ALG2: variants seen among roughly 807,000 people sequenced by gnomAD.
The protein encoded by ALG2 is ALG2 alpha-1,3/1,6-mannosyltransferase, also known as alpha-1,3/1,6-mannosyltransferase ALG2.
A neutral mutation model predicts 30.5 loss-of-function variants in ALG2; 32 were observed. The observed-to-expected ratio is 1.05, with a 90% CI of 0.79 to 1.41. The LOEUF (loss-of-function observed/expected upper bound fraction) is 1.41. Among genes scored for constraint, ALG2 ranks in the 40% most tolerant of loss-of-function variants. The pLI, the probability that ALG2 is intolerant of heterozygous loss-of-function variation, is 0.00. For missense variants in ALG2, 574 were observed against 526.4 expected (o/e 1.09, Z -0.88); for synonymous variants, 253 against 224.8 (o/e 1.13, Z -1.12).
chr9:99,219,357 C>T (rs1828753675), intron 1 of ALG2, among the ~76,000 whole-genome samples: 1 of 152,182 alleles, frequency 6.6e-6, no homozygotes, highest in Admixed American at 6.5e-5. Context: ...TAGGATCTTT[C>T]TCCTTCTAAG....
At position 99,217,543 on chromosome 9, in the gene ALG2, CATT is replaced by C. The variant is rs1828714908; in HGVS notation, c.*388_*390del. ...CTGGGAACTACAATAGCCCTGCTCT[CATT>C]ATACTATGAAGCCAAATTAATCAAC... On this transcript the variant is annotated 3_prime_UTR_variant, in exon 2 of 2. Coordinates refer to ENST00000476832, the MANE Select transcript of ALG2 (RefSeq NM_033087.4). 1 of 456,702 alleles carries C rather than the reference CATT, an allele frequency of 2.2e-6. No individual in the cohort carries two copies. The highest frequency in any genetic ancestry group is 1.6e-5 in the South Asian group (1 of 64,504). The allele number at this position is 456,702 out of a possible 1,614,324, so 28.3% of individuals were successfully genotyped here.
In ALG2 at chr9:99,217,957, A is replaced by G. The variant is rs376959842; in HGVS notation, c.1228T>C (p.Tyr410His). 23 of 1,614,132 alleles carry G rather than the reference A, an allele frequency of 1.4e-5. No individual in the cohort carries two copies. In the Admixed American group the frequency reaches 1.8e-4, roughly 13 times the overall value. ...PEAFTEQLYR[Y>H]VTKLLV is the part of the protein sequence containing the mutation. Reference sequence around the variant, plus strand: ...GATTATACCAGCAGTTTGGTAACATATCGGTAGAGCTGTTCTGTAAATGCT... The same window carrying G: ...GATTATACCAGCAGTTTGGTAACATGTCGGTAGAGCTGTTCTGTAAATGCT... Residue 410 changes from tyrosine to histidine, a missense_variant, in exon 2 of 2, where the codon TAT becomes CAT. By Grantham distance (83) the Tyr-to-His change is moderately conservative (BLOSUM62 2). Transcript: ENST00000476832.
intron 1 of ALG2, 108 bp from the exon 2 acceptor site, chr9:99,218,944 C>A: frequency 8.4e-7 from 1 of 1,189,530 alleles, no homozygotes; most frequent in Non-Finnish European, 1.2e-6. Context: ...TCCTCATGGG[C>A]AATGTCTGAT....
intron 1 of ALG2, among the ~76,000 whole-genome samples, chr9:99,219,234 C>G (rs1021077326): frequency 3.3e-5 from 5 of 152,180 alleles, no homozygotes; most frequent in Non-Finnish European, 7.3e-5. Context: ...CACATTACAT[C>G]TTCAAAATCG....
rs967932013 is a variant in ALG2 at position 99,218,274 on chromosome 9, G to C, written c.911C>G (p.Ser304Ter). ...GQYVTFLRSF[S>*]DKQKISLLHS... ...GAGGAGGGAGATTTTCTGTTTGTCT[G>C]AGAAAGACCTCAAGAAGGTCACATA... Residue 304 changes from serine (S) to a stop codon, truncating the protein, a stop_gained, in exon 2 of 2, where the codon TCA becomes TGA. Coordinates refer to ENST00000476832, the MANE Select transcript of ALG2 (RefSeq NM_033087.4). LOFTEE classifies it high-confidence loss of function. 6.2e-7 allele frequency: 1 copy of C among 1,614,096 alleles called. No individual in the cohort carries two copies. Among genetic ancestry groups the C allele is most frequent in the African/African-American group, 1.3e-5 (1 of 74,936 alleles).
In ALG2 at chr9:99,216,793, T is replaced by A. The variant is rs765889573; in HGVS notation, c.*1141A>T. 1 of 454,036 alleles carries A rather than the reference T, an allele frequency of 2.2e-6. No homozygotes were observed. The highest frequency in any genetic ancestry group is 4.4e-6 in the Non-Finnish European group (1 of 226,806). The allele number at this position is 454,036 out of a possible 1,614,324, so 28.1% of individuals were successfully genotyped here. On this transcript the variant is annotated 3_prime_UTR_variant, in exon 2 of 2. Coordinates refer to ENST00000476832, the MANE Select transcript of ALG2 (RefSeq NM_033087.4). ...CTTTGCAGATGAAGAAGCTGAGGTA[T>A]AGAGATCAATTTACACAAAATCATA...
rs185819399 is a variant in ALG2 at position 99,216,780 on chromosome 9, A to G, written c.*1154T>C. Reference sequence around the variant, plus strand: ...TACAATTATCTCACTTTGCAGATGAAGAAGCTGAGGTATAGAGATCAATTT... The same window carrying G: ...TACAATTATCTCACTTTGCAGATGAGGAAGCTGAGGTATAGAGATCAATTT... On this transcript the variant is annotated 3_prime_UTR_variant, in exon 2 of 2. Coordinates refer to ENST00000476832, the MANE Select transcript of ALG2 (RefSeq NM_033087.4). 1.5e-3 allele frequency: 670 copies of G among 454,026 alleles called. 2 individuals carry two copies. Among genetic ancestry groups the G allele is most frequent in the Non-Finnish European group, 2.4e-3 (549 of 226,744 alleles). The allele number at this position is 454,026 out of a possible 1,614,324, so 28.1% of individuals were successfully genotyped here.
chr9:99,217,907 T>A lies in ALG2; in HGVS notation c.*27A>T, dbSNP rs1828721194. 2.5e-6 allele frequency: 4 copies of A among 1,611,416 alleles called. No homozygotes were observed. Among genetic ancestry groups the A allele is most frequent in the Non-Finnish European group, 3.4e-6 (4 of 1,177,666 alleles). On this transcript the variant is annotated 3_prime_UTR_variant, in exon 2 of 2. Transcript: ENST00000476832. ...GGGTCTACAATCCATAAAAATGACA[T>A]TAATGGAGATCTTAAAAACAATCTG...
Position 99,221,780 on chromosome 9 carries a change from C to T in ALG2, c.115G>A (p.Ala39Thr). The change falls in exon 1 of 2, where the codon GCG becomes ACG. Residue 39 changes from alanine to threonine, a missense_variant. Transcript: ENST00000476832. ...AERLVLDAAL[A>T]LQARGCSVKI... ...ACGCTACACCCGCGCGCCTGCAGCGCCAGCGCCGCGTCCAACACCAGCCGC... is the reference window on the plus strand; with the variant it reads ...ACGCTACACCCGCGCGCCTGCAGCGTCAGCGCCGCGTCCAACACCAGCCGC... 6.3e-7 allele frequency: 1 copy of T among 1,598,412 alleles called. No homozygotes were observed. The highest frequency in any genetic ancestry group is 8.5e-7 in the Non-Finnish European group (1 of 1,179,476).
chr9:99,220,278 A>G (rs1828770308), intron 1 of ALG2, among the ~76,000 whole-genome samples: 1 of 152,244 alleles, frequency 6.6e-6, no homozygotes, highest in Non-Finnish European at 1.5e-5. Flanking sequence ...TAGTCACAAC[A>G]TTAGTGTCCT....
intron 1 of ALG2, 40 bp downstream of exon 1, chr9:99,221,507 G>A: frequency 6.5e-7 from 1 of 1,534,984 alleles, no homozygotes; most frequent in Non-Finnish European, 8.8e-7. Flanking sequence ...CCTCCACGGC[G>A]AGGTCCGCAC....
chr9:99,218,130 G>GTCA lies in ALG2; in HGVS notation c.1054_1055insTGA (p.Ser352delinsLeuThr), dbSNP rs763662395. On this transcript the variant is annotated protein_altering_variant, in exon 2 of 2. Transcript: ENST00000476832. ...AAACCCTGTGACACTGTGGTCAATG[G>GTCA]ACTCCAAGGGTCCACCCGAATTAAC... 11 of 1,611,112 alleles carry GTCA rather than the reference G, an allele frequency of 6.8e-6. No individual in the cohort carries two copies. The highest frequency in any genetic ancestry group is 1.7e-4 in the Middle Eastern group (1 of 6,040).
At chr9:99,218,929 T>C in intron 1 of ALG2, 93 bp from the exon 2 acceptor site, 1 of 1,388,080 alleles carries the variant, frequency 7.2e-7, no homozygotes, top group Non-Finnish European at 1.0e-6. Context: ...GGCTAGTCTG[T>C]GGGCTCCTCA....
rs1157577313 is a variant in ALG2, at chr9:99,218,201, G to C, written c.984C>G (p.Gly328=). ...TGTACATGGCTTCCAGAGGGACAAT[G>C]CCAAAGTGCTCATTGCTTGGTGTGT... ...VLYTPSNEHF[G]IVPLEAMYMQ... Residue 328 remains glycine, a synonymous_variant, in exon 2 of 2, where the codon GGC becomes GGG. Coordinates refer to ENST00000476832, the MANE Select transcript of ALG2 (RefSeq NM_033087.4). The C allele has an allele frequency of 6.2e-6, 10 of 1,614,124 alleles. No individual in the cohort carries two copies. Among genetic ancestry groups the C allele is most frequent in the Non-Finnish European group, 8.5e-6 (10 of 1,179,948 alleles).
rs749613639 is a variant in ALG2 at position 99,217,939 on chromosome 9, C to G, written c.1246G>C (p.Val416Leu). The G allele has an allele frequency of 3.7e-6, 6 of 1,614,056 alleles. No homozygotes were observed. The highest frequency in any genetic ancestry group is 5.1e-6 in the Non-Finnish European group (6 of 1,179,986). The change falls in exon 2 of 2, where the codon GTA (valine) becomes CTA (leucine). Residue 416 changes from valine to leucine, a missense_variant. Coordinates refer to ENST00000476832, the MANE Select transcript of ALG2 (RefSeq NM_033087.4). The stretch of plus-strand genomic sequence containing the variant: ...AGATCTTAAAAACAATCTGATTATA[C>G]CAGCAGTTTGGTAACATATCGGTAG... ...QLYRYVTKLL[V>L]
chr9:99,221,145 G>A (rs1467222950), intron 1 of ALG2: 1 of 1,358,920 alleles, frequency 7.4e-7, no homozygotes, highest in Non-Finnish European at 9.7e-7. Flanking sequence ...GGCCTGAAAG[G>A]AGAGTCAACA....
chr9:99,217,784 TG>T lies in ALG2; in HGVS notation c.*149del. On this transcript the variant is annotated 3_prime_UTR_variant, in exon 2 of 2. Transcript: ENST00000476832. ...TTTCTGAAAAGTGGACAGGGAGGTG[TG>T]GTATATAGGAAAGTGGCTCACATTC... The T allele has an allele frequency of 1.2e-6, 1 of 830,700 alleles. No homozygotes were observed. The highest frequency in any genetic ancestry group is 2.0e-6 in the Non-Finnish European group (1 of 501,336). The allele number at this position is 830,700 out of a possible 1,614,324, so 51.5% of individuals were successfully genotyped here. A position where few individuals can be genotyped will look rare whatever the true frequency, so the allele number is the denominator to read the frequency against.
In ALG2 at chr9:99,219,136, A is replaced by G. The variant is rs1828751236; in HGVS notation, c.349-300T>C. ...TGTTTTTAAGGGTGAAATTAATTTT[A>G]ACATATTATTTACCGAAAACATTAT... On this transcript the variant is annotated intron_variant, in intron 1 of 1. Transcript: ENST00000476832. Among the ~76,000 whole-genome samples the G allele has an allele frequency of 2.0e-5, 3 of 152,266 alleles. No homozygotes were observed. In the South Asian group the frequency reaches 6.2e-4, roughly 31 times the overall value.
chr9:99,221,862 CGAGT>C lies in ALG2; in HGVS notation c.29_32del (p.Asp10GlyfsTer37), dbSNP rs1564223148. On this transcript the variant is annotated frameshift_variant, in exon 1 of 2. Coordinates refer to ENST00000476832, the MANE Select transcript of ALG2 (RefSeq NM_033087.4). LOFTEE classifies it high-confidence loss of function. Reference sequence around the variant, plus strand: ...GGAACAGCACCGACGGCTTGGGAACCGAGTCCCGTTCCCGGCCCTGCTCCTCCGC... The same window carrying C: ...GGAACAGCACCGACGGCTTGGGAACCCCCGTTCCCGGCCCTGCTCCTCCGC... 4 of 1,592,266 alleles carry C rather than the reference CGAGT, an allele frequency of 2.5e-6. No individual in the cohort carries two copies. Among genetic ancestry groups the C allele is most frequent in the Non-Finnish European group, 3.4e-6 (4 of 1,176,546 alleles).
Sources: allele counts gnomAD v4.1 joint callset (sites outside exome capture counted in the v4.1 genomes callset), GRCh38; gene constraint gnomAD v4.1.1; transcripts MANE v1.5; gene names NCBI Gene and HGNC (gene_info 2026-07-23, HGNC 2026-07-21).